Variants in DNAH5 observed in about 807,000 individuals in gnomAD.
DNAH5 encodes the protein axonemal beta dynein heavy chain 5.
Under a neutral mutation model 518.2 loss-of-function variants are expected in DNAH5, and 372 were observed. The ratio of observed to expected loss-of-function variants is 0.72; its 90% confidence interval spans 0.66 to 0.78. The LOEUF (loss-of-function observed/expected upper bound fraction) is 0.78. Among genes scored for constraint, DNAH5 ranks in the 30% least tolerant of loss-of-function variants. The pLI is 0.00. For synonymous variants in DNAH5, 2,039 were observed against 2,025.9 expected (o/e 1.01, Z -0.17); for missense variants, 5,523 against 5,687.0 (o/e 0.97, Z 0.93).
chr5:13,791,706 C>T (rs1179523337), intron 50 of DNAH5, among the ~76,000 whole-genome samples: 1 of 152,046 alleles, frequency 6.6e-6, no homozygotes, highest in Non-Finnish European at 1.5e-5. Context: ...TCTTCTCATA[C>T]TAGAACTGGG....
chr5:13,993,605 T>C (rs993574066), intron 1 of DNAH5, among the ~76,000 whole-genome samples: 3 of 152,246 alleles, frequency 2.0e-5, no homozygotes, highest in Admixed American at 6.5e-5. Context: ...TAATCGTAAG[T>C]ATTTCCTTAA....
intron 2 of DNAH5, among the ~76,000 whole-genome samples, chr5:13,929,586 T>C (rs187640542): frequency 6.6e-5 from 10 of 152,300 alleles, no homozygotes; most frequent in Admixed American, 2.0e-4. Context: ...TCCACCATGA[T>C]TGAAGATGCC....
intron 38 of DNAH5, among the ~76,000 whole-genome samples, chr5:13,826,888 T>C (rs539960977): frequency 2.0e-4 from 30 of 152,250 alleles, no homozygotes; most frequent in African/African-American, 6.5e-4. Flanking sequence ...CCTAGAGACT[T>C]AGAGGGCTCA....
At chr5:13,862,223 T>C (rs921091165) in intron 29 of DNAH5, among the ~76,000 whole-genome samples, 4 of 152,290 alleles carry the variant, frequency 2.6e-5, no homozygotes, top group Middle Eastern at 3.4e-3. Flanking sequence ...TGCATTATTT[T>C]GTCCAGTGGA....
chr5:13,822,369 G>T (rs1051454071), intron 40 of DNAH5, among the ~76,000 whole-genome samples: 1 of 151,854 alleles, frequency 6.6e-6, no homozygotes, highest in Non-Finnish European at 1.5e-5. Context: ...TCCCACCTCA[G>T]CATCCAGAGT....
chr5:13,906,879 G>T (rs899408290), intron 12 of DNAH5, among the ~76,000 whole-genome samples: 1 of 151,606 alleles, frequency 6.6e-6, no homozygotes, highest in Non-Finnish European at 1.5e-5. Context: ...AAGAGAAAAA[G>T]AAAAGAAATG....
chr5:13,819,476 T>A (rs1316808582), intron 41 of DNAH5, among the ~76,000 whole-genome samples: 1 of 152,106 alleles, frequency 6.6e-6, no homozygotes, highest in African/African-American at 2.4e-5. Flanking sequence ...GTACCAGTGT[T>A]GCATCAGTAG....
chr5:13,724,928 T>G (rs1487974339), intron 70 of DNAH5, among the ~76,000 whole-genome samples: 1 of 152,228 alleles, frequency 6.6e-6, no homozygotes, highest in Non-Finnish European at 1.5e-5. Context: ...TAAACCTCTT[T>G]TCTTTATAAA....
rs191588421 is a variant in DNAH5 at position 13,997,756 on chromosome 5, C to T, written c.12+13892G>A. 1.2e-4 allele frequency among the ~76,000 whole-genome samples: 18 copies of T among 152,258 alleles called. No individual in the cohort carries two copies. In the East Asian group the frequency reaches 3.3e-3, roughly 28 times the overall value. On this transcript the variant is annotated intron_variant, in intron 1 of 78. Transcript: ENST00000681290. ...TACAGCAGCACCCCACTTCTGGTAC[C>T]AATTTCTGTCTTAGTTCATTTGGGC...
In DNAH5 at chr5:13,865,858, C is replaced by T. The variant is rs1255563648; in HGVS notation, c.4165G>A (p.Glu1389Lys). 2.5e-6 allele frequency: 4 copies of T among 1,613,246 alleles called. No individual in the cohort carries two copies. Among genetic ancestry groups the T allele is most frequent in the Non-Finnish European group, 8.5e-7 (1 of 1,179,464 alleles). Residue 1389 changes from glutamate to lysine, a missense_variant, in exon 27 of 79, where the codon GAG (glutamate) becomes AAG (lysine). By Grantham distance (56) the Glu-to-Lys change is moderately conservative. This residue lies in a region of DNAH5 where 5,121 missense variants were observed against 5,223.3 expected (regional missense o/e 0.98). Coordinates refer to ENST00000265104, the MANE Select transcript of DNAH5 (RefSeq NM_001369.3). ...GTAGCTGGCAGGCCAAAAAGCTCCT[C>T]TCCTCCAGTATATGTGATGTATTTC... ...YRKYITYTGGEELFGLPATQY... is the reference protein window; with the variant it reads ...YRKYITYTGGKELFGLPATQY...
chr5:14,001,631 G>C (rs1784358634), intron 1 of DNAH5, among the ~76,000 whole-genome samples: 1 of 151,720 alleles, frequency 6.6e-6, no homozygotes, highest in Admixed American at 6.6e-5. Flanking sequence ...CCAAAGTGCT[G>C]GGATTACAGG....
intron 1 of DNAH5, among the ~76,000 whole-genome samples, chr5:13,943,838 T>C (rs1382318787): frequency 2.0e-5 from 3 of 152,086 alleles, no homozygotes; most frequent in Non-Finnish European, 4.4e-5. Flanking sequence ...GTGGAAGAGG[T>C]TTCCAAATCC....
At chr5:13,809,935 G>A (rs1377958292) in intron 45 of DNAH5, 124 bp downstream of exon 45, 4 of 1,020,934 alleles carry the variant, frequency 3.9e-6, no homozygotes, top group African/African-American at 1.6e-5. Flanking sequence ...ACACACGAAC[G>A]TTTTCATATC....
At chr5:13,712,134 C>A (rs201547359) in intron 75 of DNAH5, among the ~76,000 whole-genome samples, 1 of 152,136 alleles carries the variant, frequency 6.6e-6, no homozygotes, top group East Asian at 1.9e-4. Flanking sequence ...CATAGACCAA[C>A]TGAATAGAAC....
Position 13,814,119 on chromosome 5 carries a change from T to C in DNAH5, c.7230+486A>G, listed in dbSNP as rs532264450. On this transcript the variant is annotated intron_variant, in intron 43 of 78. Coordinates refer to ENST00000265104, the MANE Select transcript of DNAH5 (RefSeq NM_001369.3). ...ACCTGATTATGAATTGATGAGATGT[T>C]ATCTGAAATATTATTGCCAAGTTCA... is the stretch of plus-strand genomic sequence containing the variant. 8.0e-4 allele frequency among the ~76,000 whole-genome samples: 122 copies of C among 152,318 alleles called. 1 individual carries two copies. Among genetic ancestry groups the C allele is most frequent in the African/African-American group, 2.8e-3 (118 of 41,582 alleles).
At chr5:13,925,862 C>A (rs571103980) in intron 3 of DNAH5, among the ~76,000 whole-genome samples, 85 of 152,302 alleles carry the variant, frequency 5.6e-4, no homozygotes, top group Non-Finnish European at 7.9e-4. Context: ...CTGCAACTGT[C>A]CCAGCTTGCC....
At position 13,844,264 on chromosome 5, in the gene DNAH5, G is replaced by C. The variant is rs183702302; in HGVS notation, c.5271+573C>G. ...TAGGGGTTTGTATGAAGCACCAGAG[G>C]GAAACTGAATACAATATCTAACAAG... On this transcript the variant is annotated intron_variant, in intron 32 of 78. Transcript: ENST00000265104. Among the ~76,000 whole-genome samples the C allele has an allele frequency of 1.6e-3, 239 of 152,278 alleles. 2 individuals are homozygous for C. The highest frequency in any genetic ancestry group is 3.2e-4 in the Non-Finnish European group (22 of 68,028).
rs80117364 is a variant in DNAH5, at chr5:13,716,106, A to G, written c.12909+381T>C. ...GTCAAATGGATTGGAAAACAGAACA[A>G]ATTGGGTCTAGAAGCTGCCTTTGCT... On this transcript the variant is annotated intron_variant, in intron 74 of 78. Coordinates refer to ENST00000265104, the MANE Select transcript of DNAH5 (RefSeq NM_001369.3). Among the ~76,000 whole-genome samples, 676 of 152,272 alleles carry G rather than the reference A, an allele frequency of 4.4e-3. 5 individuals are homozygous for G. Among genetic ancestry groups the G allele is most frequent in the African/African-American group, 0.015 (632 of 41,562 alleles).
At chr5:13,949,251 A>C (rs1780175554), upstream of DNAH5, among the ~76,000 whole-genome samples, 1 of 152,230 alleles carries the variant, frequency 6.6e-6, no homozygotes, top group African/African-American at 2.4e-5. Flanking sequence ...TCTTGAAAAC[A>C]TGAAGGCCAG....
Sources: allele counts gnomAD v4.1 joint callset (sites outside exome capture counted in the v4.1 genomes callset), GRCh38; gene constraint gnomAD v4.1.1; regional missense constraint gnomAD v4.1.1; transcripts MANE v1.5; gene names NCBI Gene and HGNC (gene_info 2026-07-23, HGNC 2026-07-21).